The following NOL10 variants were observed in gnomAD, a reference collection of about 807,000 sequenced individuals.
The protein encoded by NOL10 is nucleolar protein 10, also known as H_NH0074G24.1.
Under a neutral mutation model 103.5 loss-of-function variants are expected in NOL10, and 58 were observed. The observed-to-expected ratio is 0.56, with a 90% CI of 0.45 to 0.70. The LOEUF (loss-of-function observed/expected upper bound fraction) is 0.70, where lower values mean the gene tolerates loss of function less well. Among genes scored for constraint, NOL10 ranks in the 30% least tolerant of loss-of-function variants. The pLI is 0.00. For missense variants in NOL10, 763 were observed against 807.3 expected (o/e 0.95, Z 0.67); for synonymous variants, 287 against 282.5 (o/e 1.02, Z -0.16).
intron 9 of NOL10, among the ~76,000 whole-genome samples, chr2:10,660,524 C>T (rs1680127135): frequency 6.6e-6 from 1 of 151,992 alleles, no homozygotes; most frequent in African/African-American, 2.4e-5. Context: ...CACCATGTTG[C>T]CCAGGCTGGT....
chr2:10,666,051 C>T (rs1449188127), intron 8 of NOL10, among the ~76,000 whole-genome samples: 1 of 152,042 alleles, frequency 6.6e-6, no homozygotes, highest in African/African-American at 2.4e-5. Context: ...CCTTCCCCAT[C>T]CAGTAATCCC....
chr2:10,670,365 T>C (rs1027458182), intron 6 of NOL10, among the ~76,000 whole-genome samples: 38 of 152,320 alleles, frequency 2.5e-4, no homozygotes, highest in African/African-American at 8.7e-4. Flanking sequence ...TTGCCTACAA[T>C]TTATCTCGTT....
intron 13 of NOL10, chr2:10,622,039 T>C (rs1414173662): frequency 6.4e-6 from 3 of 470,936 alleles, no homozygotes; most frequent in Non-Finnish European, 1.3e-5. Flanking sequence ...AACAGCTACA[T>C]GTGACTAATG....
At chr2:10,603,792 T>C (rs937257564) in intron 14 of NOL10, among the ~76,000 whole-genome samples, 4 of 152,186 alleles carry the variant, frequency 2.6e-5, no homozygotes, top group East Asian at 1.9e-4. Flanking sequence ...CACTTAGAAT[T>C]TGTGGTGCTG....
intron 13 of NOL10, 119 bp from the exon 14 acceptor site, chr2:10,607,430 A>G: frequency 9.3e-7 from 1 of 1,081,068 alleles, no homozygotes; most frequent in Non-Finnish European, 1.3e-6. Context: ...TATCAGAAGT[A>G]TTGACAAATG....
At chr2:10,652,269 A>G (rs1679523971) in intron 12 of NOL10, among the ~76,000 whole-genome samples, 1 of 149,186 alleles carries the variant, frequency 6.7e-6, no homozygotes, top group African/African-American at 2.5e-5. Context: ...AAGAAAAAAG[A>G]AAAAACAGCA....
chr2:10,604,473 G>T (rs1353373174), intron 14 of NOL10, among the ~76,000 whole-genome samples: 1 of 152,166 alleles, frequency 6.6e-6, no homozygotes, highest in East Asian at 1.9e-4. Flanking sequence ...TACTGTCATA[G>T]AATTCATTAG....
At chr2:10,678,596 T>C (rs1412269345) in intron 3 of NOL10, among the ~76,000 whole-genome samples, 2 of 152,094 alleles carry the variant, frequency 1.3e-5, no homozygotes, top group East Asian at 3.9e-4. Flanking sequence ...AATCAATACT[T>C]TGCACATCCC....
At chr2:10,582,803 G>A (rs1180996522) in intron 19 of NOL10, among the ~76,000 whole-genome samples, 1 of 152,096 alleles carries the variant, frequency 6.6e-6, no homozygotes, top group Non-Finnish European at 1.5e-5. Flanking sequence ...ACTTTCTGTG[G>A]CTGAGTCTTC....
chr2:10,682,106 A>G, intron 2 of NOL10, 37 bp from the exon 3 acceptor site: 1 of 940,984 alleles, frequency 1.1e-6, no homozygotes, highest in South Asian at 2.1e-5. Flanking sequence ...TTTAACTAAC[A>G]TGTGCTTATT....
intron 4 of NOL10, 50 bp from the exon 5 acceptor site, chr2:10,673,607 TAAC>T: frequency 7.9e-7 from 1 of 1,261,430 alleles, no homozygotes; most frequent in Non-Finnish European, 1.1e-6. Context: ...ATATTCTTAG[TAAC>T]AACGCAAACC....
intron 13 of NOL10, among the ~76,000 whole-genome samples, chr2:10,622,345 CTGTG>C (rs775420680): frequency 7.9e-5 from 12 of 152,272 alleles, no homozygotes; most frequent in Middle Eastern, 3.4e-3. Context: ...CCATGCCACG[CTGTG>C]TGTGTCATAC....
intron 13 of NOL10, among the ~76,000 whole-genome samples, chr2:10,643,042 A>G (rs1410207873): frequency 6.6e-6 from 1 of 152,232 alleles, no homozygotes; most frequent in African/African-American, 2.4e-5. Context: ...ACAAGTGAAT[A>G]CAAGGAAAGA....
At chr2:10,630,741 A>C (rs1394338550) in intron 13 of NOL10, among the ~76,000 whole-genome samples, 4 of 152,040 alleles carry the variant, frequency 2.6e-5, no homozygotes, top group Non-Finnish European at 4.4e-5. Flanking sequence ...AAAAAAACCC[A>C]AAAACTTGCT....
Position 10,589,711 on chromosome 2 carries a change from A to AT in NOL10, c.1462dup (p.Met488AsnfsTer3). On this transcript the variant is annotated frameshift_variant, in exon 18 of 21. Transcript: ENST00000381685. LOFTEE classifies it high-confidence loss of function. The stretch of plus-strand genomic sequence containing the variant: ...TACTTGGAAGTCAGGGTTCTCAAAC[A>AT]TAACTTTAAATCGATCATCGGTGAG... 6.4e-7 allele frequency: 1 copy of AT among 1,572,174 alleles called. No individual in the cohort carries two copies. The highest frequency in any genetic ancestry group is 8.6e-7 in the Non-Finnish European group (1 of 1,161,940).
At chr2:10,627,927 T>A (rs1677583959) in intron 13 of NOL10, among the ~76,000 whole-genome samples, 2 of 151,962 alleles carry the variant, frequency 1.3e-5, no homozygotes, top group African/African-American at 4.8e-5. Flanking sequence ...TAATAAAAAA[T>A]TAAAAATATA....
chr2:10,688,218 GA>G (rs1269205139), intron 1 of NOL10, among the ~76,000 whole-genome samples: 1 of 152,114 alleles, frequency 6.6e-6, no homozygotes, highest in East Asian at 1.9e-4. Flanking sequence ...CGCTCACCTG[GA>G]CTACCTAATT....
chr2:10,576,434 C>T (rs764847145), intron 20 of NOL10, among the ~76,000 whole-genome samples: 3 of 152,176 alleles, frequency 2.0e-5, no homozygotes, highest in Non-Finnish European at 4.4e-5. Context: ...AATTATTAAT[C>T]GCTTACCCCA....
chr2:10,671,194 CTA>C (rs1488003946), intron 6 of NOL10, among the ~76,000 whole-genome samples: 1 of 152,146 alleles, frequency 6.6e-6, no homozygotes, highest in Non-Finnish European at 1.5e-5. Flanking sequence ...TAAAACAATA[CTA>C]TGTCTCATAA....
Sources: allele counts gnomAD v4.1 joint callset (sites outside exome capture counted in the v4.1 genomes callset), GRCh38; gene constraint gnomAD v4.1.1; transcripts MANE v1.5; gene names NCBI Gene and HGNC (gene_info 2026-07-23, HGNC 2026-07-21).